WDPCP: variants seen among roughly 807,000 people sequenced by gnomAD.
The protein encoded by WDPCP is WD repeat-containing and planar cell polarity effector protein fritz homolog.
In WDPCP, 71 loss-of-function variants were observed where a neutral mutation model predicts 93.1. That is an observed-to-expected ratio of 0.76 (90% CI 0.63 to 0.93). The LOEUF (loss-of-function observed/expected upper bound fraction) is 0.93. WDPCP is among the 40% of genes least tolerant of loss of function. The pLI is 0.00. For missense variants in WDPCP, 844 were observed against 887.4 expected (o/e 0.95, Z 0.62); for synonymous variants, 315 against 315.0 (o/e 1.00, Z 0.00).
At chr2:63,394,878 G>A (rs1233736377) in intron 10 of WDPCP, among the ~76,000 whole-genome samples, 2 of 152,150 alleles carry the variant, frequency 1.3e-5, no homozygotes, top group East Asian at 3.9e-4. Flanking sequence ...AGACAACAGG[G>A]CCTAGTTGAG....
At chr2:63,382,538 T>A (rs1405509225) in intron 10 of WDPCP, among the ~76,000 whole-genome samples, 1 of 152,100 alleles carries the variant, frequency 6.6e-6, no homozygotes, top group Admixed American at 6.6e-5. Flanking sequence ...TGTTTACTGA[T>A]TAAAGTCTAA....
chr2:63,406,809 G>C (rs977506927), intron 9 of WDPCP, among the ~76,000 whole-genome samples: 2 of 152,286 alleles, frequency 1.3e-5, no homozygotes, highest in East Asian at 3.9e-4. Context: ...GTACAGGGTA[G>C]ACACTTGTCA....
At chr2:63,425,623 G>C (rs1191801860) in intron 9 of WDPCP, among the ~76,000 whole-genome samples, 39 of 152,122 alleles carry the variant, frequency 2.6e-4, no homozygotes, top group Admixed American at 2.5e-3. Flanking sequence ...ACTAGGAAAA[G>C]AATCTCAGAA....
chr2:63,613,436 G>A (rs963584799), intron 3 of WDPCP, among the ~76,000 whole-genome samples: 2 of 152,198 alleles, frequency 1.3e-5, no homozygotes, highest in Non-Finnish European at 2.9e-5. Context: ...AGGAGCCTGG[G>A]GCTTTTATTT....
intron 13 of WDPCP, among the ~76,000 whole-genome samples, chr2:63,277,603 A>G (rs1683186425): frequency 6.6e-6 from 1 of 152,242 alleles, no homozygotes. Context: ...AGGAGTAGCT[A>G]TTTTTATATC....
intron 6 of WDPCP, among the ~76,000 whole-genome samples, chr2:63,481,181 A>G (rs1700248027): frequency 6.6e-6 from 1 of 152,146 alleles, no homozygotes; most frequent in African/African-American, 2.4e-5. Context: ...AATCAAAACC[A>G]CAATGTGATA....
intron 1 of WDPCP, among the ~76,000 whole-genome samples, chr2:63,562,996 T>C (rs1706746099): frequency 6.6e-6 from 1 of 152,168 alleles, no homozygotes; most frequent in Admixed American, 6.6e-5. Flanking sequence ...TGTCATTGCT[T>C]CTAAGTCCTC....
At chr2:63,750,334 C>G (rs1397326023) in intron 2 of WDPCP, among the ~76,000 whole-genome samples, 1 of 152,000 alleles carries the variant, frequency 6.6e-6, no homozygotes, top group Admixed American at 6.6e-5. Flanking sequence ...ATTAAAAACT[C>G]TAATTCAGAA....
At chr2:63,317,691 C>G (rs1239434601) in intron 12 of WDPCP, among the ~76,000 whole-genome samples, 4 of 152,120 alleles carry the variant, frequency 2.6e-5, no homozygotes, top group African/African-American at 9.7e-5. Flanking sequence ...ATAAATGGTG[C>G]TGGAGTAACT....
rs370821757 is a variant in WDPCP, at chr2:63,588,219, G to A, written c.53C>T (p.Ala18Val). 7 of 1,573,954 alleles carry A rather than the reference G, an allele frequency of 4.4e-6. No individual in the cohort carries two copies. The African/African-American group carries it at 9.5e-5, about 21-fold the overall frequency. Residue 18 changes from alanine to valine, a missense_variant, in exon 1 of 18, where the codon GCT becomes GTT. Transcript: ENST00000272321. ...CACCTGTCTCGGGAGTGGGGAAGAA[G>A]CGCGACTCCCGGCCGCTTTGGAGTA... The part of the protein sequence containing the change: ...DAYSKAAGSR[A>V]SSPLPRQDRD...
intron 12 of WDPCP, among the ~76,000 whole-genome samples, chr2:63,362,663 A>G (rs1234566777): frequency 6.6e-6 from 1 of 152,002 alleles, no homozygotes; most frequent in Non-Finnish European, 1.5e-5. Flanking sequence ...CTATAAATTA[A>G]ATCAATTTTC....
At chr2:63,752,267 T>C (rs1234555117) in intron 2 of WDPCP, 5 of 810,004 alleles carry the variant, frequency 6.2e-6, no homozygotes, top group South Asian at 4.0e-5. Context: ...CTGTTCAAAA[T>C]AATCTCTCAG....
At chr2:63,700,306 A>AAG (rs1558887465) in intron 2 of WDPCP, among the ~76,000 whole-genome samples, 4 of 146,140 alleles carry the variant, frequency 2.7e-5, no homozygotes, top group African/African-American at 5.1e-5. Flanking sequence ...AAAAAAAACA[A>AAG]AAAGAAAAAA....
At chr2:63,256,155 T>G (rs922860184) in intron 14 of WDPCP, among the ~76,000 whole-genome samples, 7 of 152,168 alleles carry the variant, frequency 4.6e-5, no homozygotes, top group African/African-American at 9.7e-5. Context: ...CAGCCCCCAC[T>G]GTTTTTGTTT....
chr2:63,599,432 G>A, intron 3 of WDPCP: 1 of 818,520 alleles, frequency 1.2e-6, no homozygotes, highest in Non-Finnish European at 1.8e-6. Flanking sequence ...TAAATTAAAA[G>A]TAAATTATTA....
intron 2 of WDPCP, chr2:63,751,972 T>C: frequency 1.6e-6 from 1 of 633,926 alleles, no homozygotes. Flanking sequence ...ACCACTGAAG[T>C]TTCCTCCACA....
intron 12 of WDPCP, among the ~76,000 whole-genome samples, chr2:63,324,116 G>T (rs1244213937): frequency 4.6e-5 from 7 of 152,072 alleles, no homozygotes; most frequent in African/African-American, 1.7e-4. Flanking sequence ...GGGAAAAATG[G>T]CCACCTGAGG....
chr2:63,673,137 G>A (rs1710366153), intron 2 of WDPCP, among the ~76,000 whole-genome samples: 1 of 152,160 alleles, frequency 6.6e-6, no homozygotes, highest in African/African-American at 2.4e-5. Context: ...TACCTTAAGT[G>A]CATAAGGTAC....
intron 17 of WDPCP, among the ~76,000 whole-genome samples, chr2:63,125,358 T>A (rs1669821919): frequency 6.6e-6 from 1 of 152,242 alleles, no homozygotes; most frequent in African/African-American, 2.4e-5. Context: ...TAGTGAATTA[T>A]GATTTAAGTA....
Sources: allele counts gnomAD v4.1 joint callset (sites outside exome capture counted in the v4.1 genomes callset), GRCh38; gene constraint gnomAD v4.1.1; transcripts MANE v1.5; gene names NCBI Gene and HGNC (gene_info 2026-07-23, HGNC 2026-07-21).